SLC4A5: variants seen among roughly 807,000 people sequenced by gnomAD.
SLC4A5 encodes solute carrier family 4 member 5.
SLC4A5 carries 96 observed loss-of-function variants against 120.4 expected under a neutral mutation model. The ratio of observed to expected loss-of-function variants is 0.80; its 90% CI spans 0.68 to 0.94. The LOEUF is 0.94. SLC4A5 is among the 40% of genes least tolerant of loss of function. The probability of loss-of-function intolerance (pLI) is 0.00; values close to 1 mark genes in which losing one functional copy is unlikely to be tolerated. For synonymous variants in SLC4A5, 550 were observed against 571.1 expected (o/e 0.96, Z 0.53); for missense variants, 1,259 against 1,459.5 (o/e 0.86, Z 2.24).
chr2:74,259,742 C>G, intron 11 of SLC4A5, 99 bp from the exon 12 acceptor site: 8 of 1,126,964 alleles, frequency 7.1e-6, no homozygotes, highest in Admixed American at 1.7e-5. Context: ...TGTTCATAAC[C>G]AAAGCAAACT....
chr2:74,257,552 G>T (rs1179507860), intron 12 of SLC4A5, among the ~76,000 whole-genome samples: 1 of 152,076 alleles, frequency 6.6e-6, no homozygotes, highest in Non-Finnish European at 1.5e-5. Context: ...GCTTCAGGGT[G>T]TCCCAACAAA....
intron 3 of SLC4A5, among the ~76,000 whole-genome samples, chr2:74,336,062 C>CATTT (rs541430784): frequency 6.4e-4 from 97 of 152,058 alleles, no homozygotes; most frequent in Non-Finnish European, 1.0e-3. Flanking sequence ...GAGGTCATTT[C>CATTT]ATTTATTTAT....
chr2:74,299,043 A>G (rs1478074085), intron 7 of SLC4A5, among the ~76,000 whole-genome samples: 1 of 152,134 alleles, frequency 6.6e-6, no homozygotes, highest in African/African-American at 2.4e-5. Flanking sequence ...GGTTTTTCCC[A>G]TGTTCTCATG....
chr2:74,276,424 A>C (rs1413656645), intron 8 of SLC4A5, among the ~76,000 whole-genome samples: 1 of 152,222 alleles, frequency 6.6e-6, no homozygotes, highest in East Asian at 1.9e-4. Flanking sequence ...GCTCTCCTAG[A>C]CTCAGAAGTT....
At chr2:74,224,876 C>T (rs754544217) in exon 28 of SLC4A5, 1 of 1,613,260 alleles carries the variant, frequency 6.2e-7, no homozygotes, top group Non-Finnish European at 8.5e-7. Flanking sequence ...CTTTTTTTCT[C>T]TTCCTCTTCT....
At chr2:74,302,354 T>G (rs539001001) in intron 7 of SLC4A5, among the ~76,000 whole-genome samples, 63 of 152,334 alleles carry the variant, frequency 4.1e-4, no homozygotes, top group Non-Finnish European at 7.1e-4. Context: ...TGGTGGCTCA[T>G]GCCTGTAATC....
chr2:74,256,078 C>T (rs568067213), intron 12 of SLC4A5, 146 bp from the exon 13 acceptor site: 26 of 879,316 alleles, frequency 3.0e-5, no homozygotes, highest in South Asian at 8.7e-5. Context: ...AGTACTCCTC[C>T]GATTCTGCAG....
intron 7 of SLC4A5, among the ~76,000 whole-genome samples, chr2:74,291,494 T>C (rs1343367877): frequency 1.3e-5 from 2 of 152,148 alleles, no homozygotes; most frequent in African/African-American, 2.4e-5. Flanking sequence ...GTTTACCCCA[T>C]AGGCCCCCTA....
Position 74,229,104 on chromosome 2 carries a change from C to CTTTTTTTTTT in SLC4A5, c.2848-1236_2848-1227dup, listed in dbSNP as rs55689286. The stretch of plus-strand genomic sequence containing the variant: ...AAAGAAGTCTGTTCTTAGATTTGAG[C>CTTTTTTTTTT]TTTTTTTTTTTTCTTGAGACAGAGT... On this transcript the variant is annotated intron_variant, in intron 25 of 30. Transcript: ENST00000394019. 7.9e-3 allele frequency among the ~76,000 whole-genome samples: 781 copies of CTTTTTTTTTT among 98,580 alleles called. 127 individuals are homozygous for CTTTTTTTTTT. Among genetic ancestry groups the CTTTTTTTTTT allele is most frequent in the African/African-American group, 0.026 (578 of 22,062 alleles). The allele number at this position is 98,580 out of a possible 152,430, so 64.7% of individuals were successfully genotyped here. A position where few individuals can be genotyped will look rare whatever the true frequency, so the allele number is the denominator to read the frequency against.
At chr2:74,327,739 T>C (rs935649630) in intron 5 of SLC4A5, among the ~76,000 whole-genome samples, 1 of 152,198 alleles carries the variant, frequency 6.6e-6, no homozygotes, top group African/African-American at 2.4e-5. Flanking sequence ...TTCATAAGTA[T>C]TTCAGCCAGT....
At chr2:74,245,417 T>C (rs1477063134) in intron 19 of SLC4A5, among the ~76,000 whole-genome samples, 1 of 152,194 alleles carries the variant, frequency 6.6e-6, no homozygotes, top group Admixed American at 6.5e-5. Context: ...AAAATTTACG[T>C]CAATGCAACA....
chr2:74,304,444 C>T, intron 7 of SLC4A5, 45 bp downstream of exon 7: 9 of 1,557,248 alleles, frequency 5.8e-6, no homozygotes, highest in Non-Finnish European at 7.8e-6. Flanking sequence ...CATCTGGACA[C>T]ACCAGCAGGA....
intron 8 of SLC4A5, among the ~76,000 whole-genome samples, chr2:74,269,800 T>C (rs1484593607): frequency 1.3e-5 from 2 of 152,088 alleles, no homozygotes; most frequent in East Asian, 3.9e-4. Flanking sequence ...CTCAGGCAGC[T>C]CTCTCCCCTG....
intron 6 of SLC4A5, among the ~76,000 whole-genome samples, chr2:74,309,571 A>G (rs901882678): frequency 3.3e-5 from 5 of 152,040 alleles, no homozygotes; most frequent in African/African-American, 1.2e-4. Flanking sequence ...ACTTGCTAAG[A>G]TTTTTATTGG....
At chr2:74,227,711 G>A in intron 26 of SLC4A5, 99 bp downstream of exon 26, 1 of 1,203,974 alleles carries the variant, frequency 8.3e-7, no homozygotes, top group Non-Finnish European at 1.2e-6. Flanking sequence ...AGGACAATTG[G>A]GGACAATTGG....
intron 6 of SLC4A5, chr2:74,308,059 CT>C (rs1160065507): frequency 2.0e-6 from 1 of 490,660 alleles, no homozygotes; most frequent in African/African-American, 2.0e-5. Context: ...TGCTGATGAC[CT>C]CATTTCTTTC....
chr2:74,270,775 G>A (rs1671451167), intron 8 of SLC4A5, among the ~76,000 whole-genome samples: 1 of 152,200 alleles, frequency 6.6e-6, no homozygotes, highest in South Asian at 2.1e-4. Flanking sequence ...GCACCCTGTG[G>A]GTTCAGGAGC....
chr2:74,225,114 G>A, intron 27 of SLC4A5, 119 bp from the exon 28 acceptor site: 1 of 940,972 alleles, frequency 1.1e-6, no homozygotes, highest in Non-Finnish European at 1.6e-6. Flanking sequence ...ACTTTTTGTG[G>A]TGTCTTTGGA....
At chr2:74,286,472 C>T (rs567904894) in intron 7 of SLC4A5, among the ~76,000 whole-genome samples, 1 of 152,356 alleles carries the variant, frequency 6.6e-6, no homozygotes, top group Admixed American at 6.5e-5. Context: ...CAAAACTCGA[C>T]ATTCCTCTCC....
Sources: allele counts gnomAD v4.1 joint callset (sites outside exome capture counted in the v4.1 genomes callset), GRCh38; gene constraint gnomAD v4.1.1; transcripts MANE v1.5; gene names NCBI Gene and HGNC (gene_info 2026-07-23, HGNC 2026-07-21).